SHISA9: variants seen among roughly 807,000 people sequenced by gnomAD.
SHISA9 encodes the protein protein shisa-9.
In SHISA9, 13 loss-of-function variants were observed where a neutral mutation model predicts 38.0. The observed-to-expected ratio is 0.34, with a 90% CI of 0.22 to 0.54. SHISA9 has a LOEUF of 0.54. Among genes scored for constraint, SHISA9 ranks in the 20% least tolerant of loss-of-function variants. SHISA9 has a pLI of 0.91. For missense variants in SHISA9, 538 were observed against 575.8 expected, an observed-to-expected ratio of 0.93 and a Z score of 0.67; for synonymous variants, 275 against 242.0, an observed-to-expected ratio of 1.14 and a Z score of -1.27.
the SHISA9 span, among the ~76,000 whole-genome samples, chr16:13,376,955 G>A: frequency 6.6e-6 from 1 of 152,266 alleles, no homozygotes; most frequent in South Asian, 2.1e-4. Flanking sequence ...GGCATTACAG[G>A]CATAATCCAT....
the SHISA9 span, among the ~76,000 whole-genome samples, chr16:13,412,578 C>T: frequency 5.9e-5 from 9 of 152,072 alleles, no homozygotes; most frequent in South Asian, 2.1e-4. Flanking sequence ...AAAAGGAGGC[C>T]GGGCATGATG....
At chr16:13,324,118 G>A in the SHISA9 span, among the ~76,000 whole-genome samples, 548 of 152,304 alleles carry the variant, frequency 3.6e-3, 4 homozygotes, top group African/African-American at 0.013. Flanking sequence ...ATGATTGCAA[G>A]CTTCCTAAGG....
chr16:13,214,893 G>T (rs1334991658), intron 4 of SHISA9, among the ~76,000 whole-genome samples: 1 of 152,076 alleles, frequency 6.6e-6, no homozygotes, highest in Non-Finnish European at 1.5e-5. Flanking sequence ...TGTGCGAGTT[G>T]CAATTCAAGA....
At chr16:13,365,424 C>A in the SHISA9 span, among the ~76,000 whole-genome samples, 1 of 151,386 alleles carries the variant, frequency 6.6e-6, no homozygotes, top group Non-Finnish European at 1.5e-5. Flanking sequence ...ATACCTTATC[C>A]CTCTTAACTC....
intron 2 of SHISA9, among the ~76,000 whole-genome samples, chr16:12,931,146 G>A (rs910106231): frequency 6.6e-5 from 10 of 152,202 alleles, no homozygotes; most frequent in African/African-American, 2.4e-4. Flanking sequence ...TTTAGTAAAA[G>A]TACGGGAGGA....
intron 2 of SHISA9, among the ~76,000 whole-genome samples, chr16:13,004,527 A>G (rs997576207): frequency 6.6e-5 from 10 of 152,200 alleles, no homozygotes; most frequent in African/African-American, 1.9e-4. Flanking sequence ...TTTATGTTTT[A>G]CAAAGAGATC....
the SHISA9 span, among the ~76,000 whole-genome samples, chr16:13,440,371 T>A: frequency 1.3e-5 from 2 of 152,366 alleles, no homozygotes; most frequent in African/African-American, 4.8e-5. Flanking sequence ...AGTCATTTGA[T>A]TCCATCTATT....
chr16:13,130,851 A>G (rs1426897811), intron 2 of SHISA9, among the ~76,000 whole-genome samples: 6 of 152,202 alleles, frequency 3.9e-5, no homozygotes, highest in Non-Finnish European at 7.3e-5. Context: ...TGTTGGCTGC[A>G]TGAATGTCTT....
At chr16:13,369,016 C>A in the SHISA9 span, among the ~76,000 whole-genome samples, 1 of 151,896 alleles carries the variant, frequency 6.6e-6, no homozygotes, top group African/African-American at 2.4e-5. Context: ...AGAAAAGGTA[C>A]TAGAATGGAT....
chr16:12,995,516 G>C (rs2072447368), intron 2 of SHISA9, among the ~76,000 whole-genome samples: 1 of 152,182 alleles, frequency 6.6e-6, no homozygotes, highest in African/African-American at 2.4e-5. Context: ...CACTTTGAGA[G>C]ACATGGGCCT....
At chr16:13,350,733 T>C in the SHISA9 span, 1 of 152,214 alleles carries the variant, frequency 6.6e-6, no homozygotes, top group African/African-American at 2.4e-5. Flanking sequence ...GCTGCTTTTT[T>C]CAAAGTATTT....
At chr16:12,937,086 C>T (rs2071544466) in intron 2 of SHISA9, among the ~76,000 whole-genome samples, 1 of 152,126 alleles carries the variant, frequency 6.6e-6, no homozygotes, top group Non-Finnish European at 1.5e-5. Flanking sequence ...TACAAGCCCA[C>T]CTATGTGCAT....
At chr16:13,476,710 C>A in the SHISA9 span, among the ~76,000 whole-genome samples, 2 of 138,504 alleles carry the variant, frequency 1.4e-5, no homozygotes, top group South Asian at 5.0e-4. Flanking sequence ...TGAATTTTGT[C>A]ATTCAGCCTC....
rs556160487 is a variant in SHISA9 at position 13,112,936 on chromosome 16, G to A, written c.692-90458G>A. On this transcript the variant is annotated intron_variant, in intron 2 of 4. Coordinates refer to ENST00000558583, the MANE Select transcript of SHISA9 (RefSeq NM_001145204.3). ...TAGAGTAAAAAATTTGAGGCCAGGCGCAGTGACTCACGCCTGTAATCCCAG... is the reference window on the plus strand; with the variant it reads ...TAGAGTAAAAAATTTGAGGCCAGGCACAGTGACTCACGCCTGTAATCCCAG... 1.3e-4 allele frequency among the ~76,000 whole-genome samples: 20 copies of A among 152,004 alleles called. No individual in the cohort carries two copies. The East Asian group carries it at 2.1e-3, about 16-fold the overall frequency.
chr16:13,469,369 G>GAAAGAAAGAAAAGAA, the SHISA9 span, among the ~76,000 whole-genome samples: 85 of 66,590 alleles, frequency 1.3e-3, no homozygotes, highest in Non-Finnish European at 1.6e-3. Flanking sequence ...AAAAGAAAAA[G>GAAAGAAAGAAAAGAA]AAAGAAAGAA....
chr16:13,473,086 GACTA>G, the SHISA9 span, among the ~76,000 whole-genome samples: 8 of 152,070 alleles, frequency 5.3e-5, no homozygotes, highest in African/African-American at 1.2e-4. Context: ...GTTGGATTCT[GACTA>G]ACTTTCTGTC....
intron 2 of SHISA9, among the ~76,000 whole-genome samples, chr16:13,140,905 C>T (rs1020388961): frequency 2.6e-5 from 4 of 151,992 alleles, no homozygotes; most frequent in African/African-American, 9.7e-5. Context: ...CAACTGTGGG[C>T]ACTTAGGATT....
At chr16:13,137,440 A>G (rs929485417) in intron 2 of SHISA9, among the ~76,000 whole-genome samples, 2 of 152,032 alleles carry the variant, frequency 1.3e-5, no homozygotes, top group African/African-American at 4.8e-5. Flanking sequence ...GAGAGCCCAT[A>G]ACGGAGGATC....
At chr16:13,435,010 T>C in the SHISA9 span, among the ~76,000 whole-genome samples, 5 of 152,338 alleles carry the variant, frequency 3.3e-5, no homozygotes, top group East Asian at 7.7e-4. Context: ...ACACTAAAAC[T>C]ACAAATGTGT....
Sources: allele counts gnomAD v4.1 joint callset (sites outside exome capture counted in the v4.1 genomes callset), GRCh38; gene constraint gnomAD v4.1.1; transcripts MANE v1.5; gene names NCBI Gene and HGNC (gene_info 2026-07-23, HGNC 2026-07-21).